Variants in BCL2L14 observed in about 807,000 individuals in gnomAD.
The protein encoded by BCL2L14 is apoptosis facilitator Bcl-2-like protein 14.
BCL2L14 carries 27 observed loss-of-function variants against 35.3 expected under a neutral mutation model. The observed-to-expected ratio is 0.76, with a 90% CI of 0.56 to 1.05. BCL2L14 has a LOEUF of 1.05. Among genes scored for constraint, BCL2L14 ranks in the 50% least tolerant of loss-of-function variants. The pLI, the probability that BCL2L14 is intolerant of heterozygous loss-of-function variation, is 0.00. For synonymous variants in BCL2L14, 139 were observed against 145.9 expected (o/e 0.95, Z 0.34); for missense variants, 377 against 382.6 (o/e 0.99, Z 0.12).
intron 1 of BCL2L14, among the ~76,000 whole-genome samples, chr12:12,078,493 C>A (rs1252290713): frequency 6.6e-6 from 1 of 152,248 alleles, no homozygotes; most frequent in South Asian, 2.1e-4. Context: ...CCACCATAAT[C>A]TGGACCCAAG....
chr12:12,069,869 C>T (rs540540996), upstream of BCL2L14, among the ~76,000 whole-genome samples: 1 of 152,156 alleles, frequency 6.6e-6, no homozygotes, highest in Non-Finnish European at 1.5e-5. Flanking sequence ...CCATAACTAC[C>T]ATCTGTTTGT....
chr12:12,059,206 C>A (rs962756455), intron 2 of BCL2L14, among the ~76,000 whole-genome samples: 1 of 152,212 alleles, frequency 6.6e-6, no homozygotes, highest in Non-Finnish European at 1.5e-5. Context: ...CACAGGGACG[C>A]CTGCCTTGGT....
intron 2 of BCL2L14, among the ~76,000 whole-genome samples, chr12:12,053,460 G>GCC (rs953958230): frequency 2.3e-4 from 34 of 147,420 alleles, no homozygotes; most frequent in African/African-American, 7.8e-4. Flanking sequence ...CACTCTTGTT[G>GCC]CCCAGGCTGG....
chr12:12,093,318 C>A (rs900385707), intron 4 of BCL2L14, among the ~76,000 whole-genome samples: 1 of 152,154 alleles, frequency 6.6e-6, no homozygotes, highest in Non-Finnish European at 1.5e-5. Context: ...CTATGTCCAG[C>A]ACTATAAAGT....
At chr12:12,090,130 A>G (rs1281023813) in intron 3 of BCL2L14, among the ~76,000 whole-genome samples, 2 of 152,216 alleles carry the variant, frequency 1.3e-5, no homozygotes, top group African/African-American at 4.8e-5. Context: ...CCCCCTAAAT[A>G]TCTTCATAGA....
At chr12:12,050,793 T>TAAAAAAAAAAAAAAAAAAGAAAAAA (rs1948342260) in intron 1 of BCL2L14, among the ~76,000 whole-genome samples, 1 of 88,334 alleles carries the variant, frequency 1.1e-5, no homozygotes, top group African/African-American at 5.2e-5. Context: ...GCTGATGAGC[T>TAAAAAAAAAAAAAAAAAAGAAAAAA]AAAAAAAAAA....
intron 4 of BCL2L14, among the ~76,000 whole-genome samples, chr12:12,093,124 G>T (rs541618337): frequency 9.8e-5 from 15 of 152,310 alleles, no homozygotes; most frequent in African/African-American, 3.6e-4. Flanking sequence ...TTCAAAGGAG[G>T]TAAAGCAGAG....
intron 2 of BCL2L14, among the ~76,000 whole-genome samples, chr12:12,061,315 A>G (rs541160107): frequency 6.6e-6 from 1 of 151,434 alleles, no homozygotes; most frequent in South Asian, 2.1e-4. Context: ...TTGGCGACCA[A>G]TCACACACCC....
chr12:12,088,833 CAG>C (rs1949104305), intron 3 of BCL2L14, among the ~76,000 whole-genome samples: 1 of 152,094 alleles, frequency 6.6e-6, no homozygotes, highest in African/African-American at 2.4e-5. Flanking sequence ...CACAGAGGCT[CAG>C]GGGACCGTGT....
chr12:12,090,678 C>A, intron 3 of BCL2L14, 101 bp from the exon 4 acceptor site: 1 of 770,142 alleles, frequency 1.3e-6, no homozygotes, highest in Non-Finnish European at 2.1e-6. Context: ...CATGCCTCTT[C>A]CTCCAGCCCT....
intron 1 of BCL2L14, among the ~76,000 whole-genome samples, chr12:12,074,884 C>A (rs1221794096): frequency 2.0e-5 from 3 of 152,136 alleles, no homozygotes; most frequent in African/African-American, 4.8e-5. Flanking sequence ...CTCAAGTGAT[C>A]CTCCCACCTT....
intron 5 of BCL2L14, among the ~76,000 whole-genome samples, chr12:12,097,789 GA>G (rs201168530): frequency 1.4e-5 from 2 of 146,026 alleles, no homozygotes; most frequent in South Asian, 2.2e-4. Flanking sequence ...TGGTACTGGA[GA>G]AAAAAAACAG....
At chr12:12,079,260 C>T in intron 1 of BCL2L14, 39 bp from the exon 2 acceptor site, 1 of 1,550,942 alleles carries the variant, frequency 6.4e-7, no homozygotes, top group Non-Finnish European at 8.8e-7. Context: ...GGTAAGTGGC[C>T]CTGCATAGAA....
intron 4 of BCL2L14, 132 bp from the exon 5 acceptor site, chr12:12,094,532 C>A: frequency 6.2e-7 from 1 of 1,614,260 alleles, no homozygotes; most frequent in Non-Finnish European, 8.5e-7. Flanking sequence ...CATCCCCATT[C>A]CCTTGGTTGA....
chr12:12,056,679 A>C (rs1338974909), intron 2 of BCL2L14, among the ~76,000 whole-genome samples: 1 of 152,184 alleles, frequency 6.6e-6, no homozygotes, highest in Admixed American at 6.5e-5. Flanking sequence ...ACTAAAATAC[A>C]AAAGTTAGCT....
intron 2 of BCL2L14, 84 bp downstream of exon 2, chr12:12,079,822 TA>T: frequency 7.1e-7 from 1 of 1,401,642 alleles, no homozygotes; most frequent in Non-Finnish European, 9.7e-7. Flanking sequence ...TCTCATGTTG[TA>T]AAGTGGCTTT....
chr12:12,079,679 C>T lies in BCL2L14; in HGVS notation c.374C>T (p.Ser125Leu), dbSNP rs1948867630. 5.6e-6 allele frequency: 9 copies of T among 1,614,060 alleles called. No individual in the cohort carries two copies. The highest frequency in any genetic ancestry group is 3.3e-5 in the Admixed American group (2 of 60,000). Residue 125 changes from serine to leucine, a missense_variant, in exon 2 of 6, where the codon TCG becomes TTG. Ser to Leu is a moderately radical substitution (Grantham distance 145, BLOSUM62 -2). Coordinates refer to ENST00000308721, the MANE Select transcript of BCL2L14 (RefSeq NM_138723.2). ...CAAAGGACGTTGGAATACCAAGATT[C>T]GCACAGCCAGCAGTGGTCCAGGTGT... ...QGQRTLEYQD[S>L]HSQQWSRCLS...
chr12:12,065,769 G>C (rs933967594), intron 2 of BCL2L14, among the ~76,000 whole-genome samples: 9 of 151,902 alleles, frequency 5.9e-5, no homozygotes, highest in Non-Finnish European at 1.2e-4. Flanking sequence ...GAGACATGGG[G>C]AGCAGAGAGT....
intron 5 of BCL2L14, among the ~76,000 whole-genome samples, chr12:12,097,406 C>T (rs1291648104): frequency 6.6e-6 from 1 of 152,120 alleles, no homozygotes; most frequent in African/African-American, 2.4e-5. Flanking sequence ...ACCTTAAAAA[C>T]ATTATGCTAA....
Sources: gnomAD v4.1 joint callset for allele counts (sites outside exome capture counted in the v4.1 genomes callset) on GRCh38, gnomAD v4.1.1 for gene constraint, MANE v1.5 for transcripts, NCBI Gene and HGNC (gene_info 2026-07-23, HGNC 2026-07-21) for gene names.